TMEM132D: variants seen among roughly 807,000 people sequenced by gnomAD.
TMEM132D encodes the protein transmembrane protein 132D.
In TMEM132D, 21 loss-of-function variants were observed where a neutral mutation model predicts 62.3. That is an observed-to-expected ratio of 0.34 (90% CI 0.24 to 0.49). TMEM132D has a LOEUF of 0.49. Among genes scored for constraint, TMEM132D ranks in the 20% least tolerant of loss-of-function variants. The pLI is 0.99. For missense variants in TMEM132D, 1,346 were observed against 1,402.8 expected (o/e 0.96, Z 0.65); for synonymous variants, 621 against 575.6 (o/e 1.08, Z -1.13).
chr12:129,105,995 T>C (rs1221594603), intron 5 of TMEM132D, among the ~76,000 whole-genome samples: 5 of 151,734 alleles, frequency 3.3e-5, no homozygotes, highest in African/African-American at 4.9e-5. Flanking sequence ...CTATTCACGA[T>C]AGCAAAGACT....
intron 5 of TMEM132D, among the ~76,000 whole-genome samples, chr12:129,086,868 G>A (rs150957463): frequency 0.017 from 2,564 of 151,866 alleles, 60 homozygotes; most frequent in African/African-American, 0.052. Context: ...TCTTTTCTTT[G>A]GGTAGATACC....
At chr12:129,563,258 T>G (rs905373926) in intron 2 of TMEM132D, among the ~76,000 whole-genome samples, 36 of 152,224 alleles carry the variant, frequency 2.4e-4, no homozygotes, top group African/African-American at 8.0e-4. Context: ...TCCATTTTCA[T>G]AAAACCTTCA....
intron 1 of TMEM132D, among the ~76,000 whole-genome samples, chr12:129,724,265 G>T (rs779855550): frequency 1.3e-5 from 2 of 152,210 alleles, no homozygotes; most frequent in African/African-American, 2.4e-5. Context: ...GATGACGAAG[G>T]TTGGAAGCCC....
intron 2 of TMEM132D, among the ~76,000 whole-genome samples, chr12:129,616,088 C>A (rs940751527): frequency 4.6e-5 from 7 of 152,312 alleles, no homozygotes; most frequent in South Asian, 4.1e-4. Context: ...GGCTGGGACA[C>A]TTTTATTCTA....
At chr12:129,376,381 T>A (rs1427620315) in intron 3 of TMEM132D, among the ~76,000 whole-genome samples, 2 of 152,084 alleles carry the variant, frequency 1.3e-5, no homozygotes, top group Non-Finnish European at 2.9e-5. Flanking sequence ...AGAAGTAGAA[T>A]GAGTAAAAGG....
intron 2 of TMEM132D, among the ~76,000 whole-genome samples, chr12:129,590,324 C>T (rs894590115): frequency 2.0e-5 from 3 of 152,304 alleles, no homozygotes; most frequent in Admixed American, 6.5e-5. Context: ...GACACCGCCA[C>T]GGCTGGAACA....
intron 3 of TMEM132D, among the ~76,000 whole-genome samples, chr12:129,471,496 T>C (rs6486473): frequency 0.97 from 148,244 of 152,272 alleles, 72,289 homozygotes; most frequent in East Asian, 1. Context: ...TGTTCCTCCA[T>C]CCTTCTCCCT....
intron 8 of TMEM132D, among the ~76,000 whole-genome samples, chr12:129,077,564 A>G (rs1874304553): frequency 6.6e-6 from 1 of 151,914 alleles, no homozygotes; most frequent in South Asian, 2.1e-4. Context: ...CATACACACA[A>G]CACACATACA....
At chr12:129,634,778 C>A (rs1455521713) in intron 2 of TMEM132D, among the ~76,000 whole-genome samples, 1 of 152,116 alleles carries the variant, frequency 6.6e-6, no homozygotes, top group East Asian at 1.9e-4. Flanking sequence ...TTAGTATTCT[C>A]TGCACTAATT....
intron 1 of TMEM132D, among the ~76,000 whole-genome samples, chr12:129,832,323 C>A (rs1489244992): frequency 1.3e-5 from 2 of 150,950 alleles, no homozygotes; most frequent in African/African-American, 4.9e-5. Flanking sequence ...GTAACAGAGG[C>A]CACATGTGTT....
chr12:129,853,933 A>C (rs1014140923), intron 1 of TMEM132D: 1 of 152,262 alleles, frequency 6.6e-6, no homozygotes, highest in Non-Finnish European at 1.5e-5. Flanking sequence ...AAACACACAG[A>C]AGTTTCCAGG....
At chr12:129,219,155 G>T (rs1879287794) in intron 4 of TMEM132D, among the ~76,000 whole-genome samples, 1 of 152,170 alleles carries the variant, frequency 6.6e-6, no homozygotes, top group Admixed American at 6.5e-5. Context: ...ACCTTGAATT[G>T]TAATAATCTC....
Position 129,893,171 on chromosome 12 carries a change from G to C in TMEM132D, c.79+10090C>G, listed in dbSNP as rs544377822. On this transcript the variant is annotated intron_variant, in intron 1 of 8. Coordinates refer to ENST00000422113, the MANE Select transcript of TMEM132D (RefSeq NM_133448.3). ...ATTACAGGCAGGAGCCACCACGCCT[G>C]GCTTAAGGACTCCTTTTTGTTGACT... Among the ~76,000 whole-genome samples, 828 of 152,214 alleles carry C rather than the reference G, an allele frequency of 5.4e-3. 4 individuals are homozygous for C. The highest frequency in any genetic ancestry group is 9.3e-3 in the Non-Finnish European group (631 of 68,024).
At chr12:129,562,199 G>A (rs1877253674) in intron 2 of TMEM132D, among the ~76,000 whole-genome samples, 1 of 152,136 alleles carries the variant, frequency 6.6e-6, no homozygotes, top group Admixed American at 6.5e-5. Context: ...ATCCATCTCA[G>A]TGGATTTTCA....
At chr12:129,786,737 A>G (rs1277569086) in intron 1 of TMEM132D, among the ~76,000 whole-genome samples, 1 of 152,188 alleles carries the variant, frequency 6.6e-6, no homozygotes, top group Non-Finnish European at 1.5e-5. Flanking sequence ...CTAAAAATAC[A>G]AATATTGGCT....
At chr12:129,313,118 T>C (rs1020719771) in intron 4 of TMEM132D, among the ~76,000 whole-genome samples, 14 of 152,182 alleles carry the variant, frequency 9.2e-5, no homozygotes, top group African/African-American at 2.4e-4. Flanking sequence ...AGAGGAACTG[T>C]TGAACCTGGG....
At chr12:129,210,757 T>G (rs1378053999) in intron 4 of TMEM132D, among the ~76,000 whole-genome samples, 2 of 152,172 alleles carry the variant, frequency 1.3e-5, no homozygotes, top group East Asian at 3.9e-4. Flanking sequence ...GTCAAGTGCA[T>G]AAATAGGACT....
chr12:129,647,243 G>GTT (rs57450911), intron 2 of TMEM132D, among the ~76,000 whole-genome samples: 24,185 of 117,420 alleles, frequency 0.21, 3,542 homozygotes, highest in East Asian at 0.4. Flanking sequence ...TTGTTTTTCT[G>GTT]TTTTTTTTTT....
chr12:129,866,833 T>A (rs1415185871), intron 1 of TMEM132D, among the ~76,000 whole-genome samples: 3 of 152,176 alleles, frequency 2.0e-5, no homozygotes, highest in South Asian at 2.1e-4. Flanking sequence ...GTTCAGAACT[T>A]CTGCTCATCA....
Sources: allele counts gnomAD v4.1 joint callset (sites outside exome capture counted in the v4.1 genomes callset), GRCh38; gene constraint gnomAD v4.1.1; transcripts MANE v1.5; gene names NCBI Gene and HGNC (gene_info 2026-07-23, HGNC 2026-07-21).